LUZP2: variants seen among roughly 807,000 people sequenced by gnomAD.
LUZP2 encodes leucine zipper protein 2.
Under a neutral mutation model 51.6 loss-of-function variants are expected in LUZP2, and 52 were observed. That is an observed-to-expected ratio of 1.01 (90% CI 0.81 to 1.27). The LOEUF is 1.27. Ranked by LOEUF, LUZP2 falls within the 50% of genes most tolerant of loss-of-function variation. LUZP2 has a pLI of 0.00. For synonymous variants in LUZP2, 154 were observed against 137.3 expected, an observed-to-expected ratio of 1.12 and a Z score of -0.85; for missense variants, 436 against 395.4, an observed-to-expected ratio of 1.10 and a Z score of -0.87.
intron 1 of LUZP2, among the ~76,000 whole-genome samples, chr11:24,568,517 C>T (rs1162515832): frequency 6.6e-6 from 1 of 151,748 alleles, no homozygotes; most frequent in Non-Finnish European, 1.5e-5. Context: ...CATCTAAAAA[C>T]AGAGCCCTAA....
At chr11:24,939,059 C>T (rs527577803) in intron 7 of LUZP2, among the ~76,000 whole-genome samples, 50 of 146,494 alleles carry the variant, frequency 3.4e-4, no homozygotes, top group Middle Eastern at 7.3e-3. Flanking sequence ...AAGGATTTTT[C>T]TCTCTCTCTC....
At chr11:24,859,027 G>A (rs1483063815) in intron 5 of LUZP2, among the ~76,000 whole-genome samples, 1 of 152,100 alleles carries the variant, frequency 6.6e-6, no homozygotes, top group Admixed American at 6.5e-5. Flanking sequence ...AAATTAGCCA[G>A]TATAGGGCAG....
At chr11:24,942,924 T>C (rs1304005254) in intron 7 of LUZP2, among the ~76,000 whole-genome samples, 2 of 152,152 alleles carry the variant, frequency 1.3e-5, no homozygotes, top group African/African-American at 4.8e-5. Context: ...TGGTTTCAGA[T>C]TTTTCTTATT....
At position 25,052,720 on chromosome 11, in the gene LUZP2, T is replaced by C. The variant is rs552007280; in HGVS notation, c.858+2590T>C. Reference sequence around the variant, plus strand: ...TTAAGCTGCAATTTGGGTTGCTTTATTGAGTGTCCAAACTGAATAAGAAGG... The same window carrying C: ...TTAAGCTGCAATTTGGGTTGCTTTACTGAGTGTCCAAACTGAATAAGAAGG... On this transcript the variant is annotated intron_variant, in intron 10 of 11. Transcript: ENST00000336930. 4.0e-5 allele frequency among the ~76,000 whole-genome samples: 6 copies of C among 151,674 alleles called. No individual in the cohort carries two copies. The East Asian group carries it at 1.2e-3, about 29-fold the overall frequency.
intron 1 of LUZP2, among the ~76,000 whole-genome samples, chr11:24,562,720 G>A (rs1328586634): frequency 6.7e-6 from 1 of 148,428 alleles, no homozygotes. Flanking sequence ...AAATTACCTG[G>A]GCGTGGTGGT....
intron 5 of LUZP2, among the ~76,000 whole-genome samples, chr11:24,789,590 G>T (rs1477735687): frequency 6.6e-6 from 1 of 152,128 alleles, no homozygotes; most frequent in Non-Finnish European, 1.5e-5. Flanking sequence ...ATTGCTACCT[G>T]TCTTAGTCTA....
chr11:24,761,317 A>G (rs866042502), intron 4 of LUZP2, among the ~76,000 whole-genome samples: 8 of 152,062 alleles, frequency 5.3e-5, no homozygotes, highest in Non-Finnish European at 8.8e-5. Context: ...CTTTTAAACA[A>G]TCATATCTCA....
intron 1 of LUZP2, among the ~76,000 whole-genome samples, chr11:24,674,417 C>A (rs1485078763): frequency 6.6e-6 from 1 of 152,042 alleles, no homozygotes; most frequent in African/African-American, 2.4e-5. Context: ...GACAAGTGTC[C>A]CACCTTTTCA....
chr11:24,699,703 G>T lies in LUZP2; in HGVS notation c.63-29466G>T, dbSNP rs201251903. Among the ~76,000 whole-genome samples, 3 of 96,856 alleles carry T rather than the reference G, an allele frequency of 3.1e-5. No homozygotes were observed. The East Asian group carries it at 1.3e-3, about 42-fold the overall frequency. The allele number at this position is 96,856 out of a possible 152,430, so 63.5% of individuals were successfully genotyped here. On this transcript the variant is annotated intron_variant, in intron 1 of 11. Transcript: ENST00000336930. Reference sequence around the variant, plus strand: ...TATATACACAGACACACACACACACGCACACATCATAATATATTTAGGTGC... The same window carrying T: ...TATATACACAGACACACACACACACTCACACATCATAATATATTTAGGTGC...
At chr11:24,848,120 C>T (rs1851260796) in intron 5 of LUZP2, among the ~76,000 whole-genome samples, 1 of 138,828 alleles carries the variant, frequency 7.2e-6, no homozygotes, top group Non-Finnish European at 1.6e-5. Flanking sequence ...ACCTTCTCAG[C>T]AAACAGGACT....
At chr11:24,758,260 A>T (rs982179698) in intron 4 of LUZP2, among the ~76,000 whole-genome samples, 1 of 152,032 alleles carries the variant, frequency 6.6e-6, no homozygotes, top group Non-Finnish European at 1.5e-5. Flanking sequence ...TGAAAGAGTG[A>T]TATGTTCTAA....
intron 1 of LUZP2, among the ~76,000 whole-genome samples, chr11:24,515,932 G>A (rs2133787796): frequency 6.6e-6 from 1 of 151,968 alleles, no homozygotes; most frequent in South Asian, 2.1e-4. Context: ...TCTTTCTTAT[G>A]AAAGTTCTCA....
chr11:24,986,321 T>C (rs1007027110), intron 9 of LUZP2, among the ~76,000 whole-genome samples: 1 of 151,668 alleles, frequency 6.6e-6, no homozygotes, highest in African/African-American at 2.4e-5. Context: ...AAAGCTACTA[T>C]ATAGTGCCAT....
chr11:24,757,763 A>G (rs1244840305), intron 4 of LUZP2, among the ~76,000 whole-genome samples: 1 of 152,026 alleles, frequency 6.6e-6, no homozygotes, highest in Admixed American at 6.5e-5. Context: ...AAAGAGAAAA[A>G]GGCCATATTC....
intron 1 of LUZP2, among the ~76,000 whole-genome samples, chr11:24,636,336 A>G (rs1308505643): frequency 2.0e-5 from 3 of 152,158 alleles, no homozygotes; most frequent in African/African-American, 7.2e-5. Flanking sequence ...GTAATTAAAT[A>G]TAATCAACCT....
chr11:24,864,010 A>G (rs1167431834), intron 5 of LUZP2, among the ~76,000 whole-genome samples: 1 of 108,244 alleles, frequency 9.2e-6, no homozygotes, highest in East Asian at 2.2e-4. Flanking sequence ...AAATTACTGT[A>G]CAATGGGTAA....
rs12285948 is a variant in LUZP2, at chr11:24,499,923, G to A, written c.62+2618G>A. Among the ~76,000 whole-genome samples the A allele has an allele frequency of 2.1e-3, 321 of 152,268 alleles. 2 individuals are homozygous for A. Among genetic ancestry groups the A allele is most frequent in the African/African-American group, 7.2e-3 (298 of 41,520 alleles). ...CAGGTGAAAAGGTAGTCTTTTGACT[G>A]TGTTGTGAACAGGTCTAATGGTATC... On this transcript the variant is annotated intron_variant, in intron 1 of 11. Coordinates refer to ENST00000336930, the MANE Select transcript of LUZP2 (RefSeq NM_001009909.4).
chr11:24,785,799 A>C, intron 5 of LUZP2: 4 of 906,754 alleles, frequency 4.4e-6, no homozygotes, highest in Non-Finnish European at 4.0e-6. Context: ...TTTAGCCCAC[A>C]CTTCTCCTTT....
At chr11:24,955,566 TAA>T (rs1010105850) in intron 7 of LUZP2, among the ~76,000 whole-genome samples, 1 of 152,046 alleles carries the variant, frequency 6.6e-6, no homozygotes, top group African/African-American at 2.4e-5. Context: ...TTAACCCTGA[TAA>T]TATATAAATT....
Sources: gnomAD v4.1 joint callset for allele counts (sites outside exome capture counted in the v4.1 genomes callset) on GRCh38, gnomAD v4.1.1 for gene constraint, MANE v1.5 for transcripts, NCBI Gene and HGNC (gene_info 2026-07-23, HGNC 2026-07-21) for gene names.